The following MAP3K9 variants were observed in gnomAD, a reference collection of about 807,000 sequenced individuals.
MAP3K9 encodes mixed lineage kinase 1 (tyr and ser/thr specificity).
MAP3K9 carries 46 observed loss-of-function variants against 95.8 expected under a neutral mutation model. The ratio of observed to expected loss-of-function variants is 0.48; its 90% CI spans 0.38 to 0.61. MAP3K9 has a LOEUF of 0.61. Ranked by LOEUF, MAP3K9 falls within the 20% of genes least tolerant of loss-of-function variation. The probability of loss-of-function intolerance (pLI) is 0.00; values close to 1 mark genes in which losing one functional copy is unlikely to be tolerated. For missense variants in MAP3K9, 1,296 were observed against 1,474.3 expected (o/e 0.88, Z 1.98); for synonymous variants, 533 against 593.8 (o/e 0.90, Z 1.49).
Position 70,783,307 on chromosome 14 carries a change from C to T in MAP3K9, c.820+17360G>A, listed in dbSNP as rs375138557. On this transcript the variant is annotated intron_variant, in intron 2 of 11. Coordinates refer to ENST00000554752, the MANE Select transcript of MAP3K9 (RefSeq NM_001284230.2). ...CATCCTAAAGTAAATTCAAATTAGT[C>T]TGACTCTTATTTTTCTTGAGCATCC... 77 of 978,208 alleles carry T rather than the reference C, an allele frequency of 7.9e-5. 1 individual carries two copies. In the African/African-American group the frequency reaches 1.2e-3, roughly 15 times the overall value. 60.6% of individuals were successfully genotyped at this position (978,208 alleles called of 1,614,324 possible).
Position 70,766,868 on chromosome 14 carries a change from C to T in MAP3K9, c.821-5686G>A, listed in dbSNP as rs1053079406. 2.6e-5 allele frequency among the ~76,000 whole-genome samples: 4 copies of T among 152,308 alleles called. No individual in the cohort carries two copies. In the South Asian group the frequency reaches 6.2e-4, roughly 24 times the overall value. On this transcript the variant is annotated intron_variant, in intron 2 of 11. Transcript: ENST00000554752. Reference sequence around the variant, plus strand: ...AGCTGTAATTGATTAGTCTACCCTGCACTTCTTTTTCCTGAATTCTTCCTT... The same window carrying T: ...AGCTGTAATTGATTAGTCTACCCTGTACTTCTTTTTCCTGAATTCTTCCTT...
chr14:70,743,733 A>G (rs2054107705), intron 5 of MAP3K9, among the ~76,000 whole-genome samples: 1 of 152,236 alleles, frequency 6.6e-6, no homozygotes, highest in African/African-American at 2.4e-5. Context: ...GTGGAGAAAC[A>G]GGAATGCTTT....
chr14:70,774,983 C>CAA lies in MAP3K9; in HGVS notation c.821-13803_821-13802dup, dbSNP rs60144338. Among the ~76,000 whole-genome samples the CAA allele has an allele frequency of 3.9e-3, 213 of 55,126 alleles. 7 individuals carry two copies. Among genetic ancestry groups the CAA allele is most frequent in the South Asian group, 6.5e-3 (6 of 928 alleles). The allele number at this position is 55,126 out of a possible 152,430, so 36.2% of individuals were successfully genotyped here. Reference sequence around the variant, plus strand: ...TGGAGACAGAGTGAGACTCTGTCCCCAAAAAAAAAAAAAAAAAAAAAAAAA... The same window carrying CAA: ...TGGAGACAGAGTGAGACTCTGTCCCCAAAAAAAAAAAAAAAAAAAAAAAAAAA... On this transcript the variant is annotated intron_variant, in intron 2 of 11. Coordinates refer to ENST00000554752, the MANE Select transcript of MAP3K9 (RefSeq NM_001284230.2).
At chr14:70,752,060 A>T (rs1192059397) in intron 3 of MAP3K9, among the ~76,000 whole-genome samples, 1 of 152,206 alleles carries the variant, frequency 6.6e-6, no homozygotes, top group Non-Finnish European at 1.5e-5. Flanking sequence ...GCTTTACCCC[A>T]GTGAGGCCTT....
At chr14:70,734,612 C>T (rs1459149741) in intron 9 of MAP3K9, 114 bp from the exon 10 acceptor site, 7 of 664,042 alleles carry the variant, frequency 1.1e-5, no homozygotes, top group Non-Finnish European at 1.6e-5. Flanking sequence ...TACCAAAGAA[C>T]CTTGGAGTAC....
chr14:70,733,725 G>A, intron 10 of MAP3K9: 2 of 718,396 alleles, frequency 2.8e-6, no homozygotes, highest in Non-Finnish European at 5.2e-6. Context: ...AGACTAAGAT[G>A]GGAGTCAGGG....
In MAP3K9 at chr14:70,730,477, T is replaced by G; in HGVS notation, c.3218A>C (p.Glu1073Ala). 6.2e-7 allele frequency: 1 copy of G among 1,614,118 alleles called. No homozygotes were observed. The change falls in exon 12 of 12, where the codon GAG becomes GCG. Residue 1073 changes from glutamate to alanine, a missense_variant. Around this residue, in one of 5 missense-constraint regions of MAP3K9, gnomAD observed 433 missense variants for 441.4 expected, o/e 0.98. Coordinates refer to ENST00000554752, the MANE Select transcript of MAP3K9 (RefSeq NM_001284230.2). ...TERTLLDLDA[E>A]GQSQDSTVPL... The stretch of plus-strand genomic sequence containing the variant: ...CACGGTGCTGTCCTGACTCTGCCCC[T>G]CTGCATCCAGGTCCAGGAGCGTCCG...
chr14:70,738,214 G>C (rs1015949272), intron 8 of MAP3K9, 31 bp downstream of exon 8: 1 of 1,580,548 alleles, frequency 6.3e-7, no homozygotes, highest in African/African-American at 1.4e-5. Context: ...ATCTTCAAGA[G>C]AGAAAGAATT....
rs879744024 is a variant in MAP3K9 at position 70,809,261 on chromosome 14, A to ACC, written c.-92_-91dup. ...CATGCGCCTCCGCAGAGCTGGGAGG[A>ACC]CCCCCCCCCAACGACGGCGGCCGCA... On this transcript the variant is annotated 5_prime_UTR_variant, in exon 1 of 12. Transcript: ENST00000554752. 9.2e-7 allele frequency: 1 copy of ACC among 1,090,202 alleles called. No individual in the cohort carries two copies. The highest frequency in any genetic ancestry group is 1.1e-6 in the Non-Finnish European group (1 of 877,788). 67.5% of individuals were successfully genotyped at this position (1,090,202 alleles called of 1,614,324 possible).
intron 2 of MAP3K9, among the ~76,000 whole-genome samples, chr14:70,770,765 T>C (rs1202662615): frequency 6.6e-6 from 1 of 152,142 alleles, no homozygotes. Flanking sequence ...GCCCATCCTC[T>C]ACGTCTGGTA....
At chr14:70,738,152 A>C in intron 8 of MAP3K9, 93 bp downstream of exon 8, 1 of 1,326,710 alleles carries the variant, frequency 7.5e-7, no homozygotes, top group South Asian at 1.6e-5. Context: ...GCAATCAAAC[A>C]CACGACAGAG....
At chr14:70,745,832 T>A (rs894384963) in intron 5 of MAP3K9, among the ~76,000 whole-genome samples, 1 of 152,106 alleles carries the variant, frequency 6.6e-6, no homozygotes, top group Non-Finnish European at 1.5e-5. Context: ...AGTGGTTGAA[T>A]AACTATTGAG....
intron 2 of MAP3K9, among the ~76,000 whole-genome samples, chr14:70,788,056 C>T (rs2054767138): frequency 6.6e-6 from 1 of 152,170 alleles, no homozygotes; most frequent in Non-Finnish European, 1.5e-5. Context: ...ATCGCATTTG[C>T]CTCTAAGAAG....
intron 5 of MAP3K9, among the ~76,000 whole-genome samples, chr14:70,743,267 C>T (rs1187783543): frequency 2.0e-5 from 3 of 151,984 alleles, no homozygotes; most frequent in Non-Finnish European, 2.9e-5. Flanking sequence ...GGATAACAGG[C>T]GTGAGTCACT....
Position 70,729,455 on chromosome 14 carries a change from G to C in MAP3K9, c.*925C>G, listed in dbSNP as rs745635252. On this transcript the variant is annotated 3_prime_UTR_variant, in exon 12 of 12. Coordinates refer to ENST00000554752, the MANE Select transcript of MAP3K9 (RefSeq NM_001284230.2). ...ACACATAAAGTTCAGACAGCAAAAG[G>C]AACAGACAGTGGAATTTTGTCTCTG... The C allele has an allele frequency of 3.3e-5, 5 of 152,218 alleles. No homozygotes were observed. Among genetic ancestry groups the C allele is most frequent in the African/African-American group, 4.8e-5 (2 of 41,454 alleles). 9.4% of individuals were successfully genotyped at this position (152,218 alleles called of 1,614,324 possible). A position where few individuals can be genotyped will look rare whatever the true frequency, so the allele number is the denominator to read the frequency against.
In MAP3K9 at chr14:70,742,431, G is replaced by A. The variant is rs2054084063; in HGVS notation, c.1487C>T (p.Pro496Leu). The A allele has an allele frequency of 6.2e-7, 1 of 1,614,062 alleles. No homozygotes were observed. The stretch of plus-strand genomic sequence containing the variant: ...CTTGCCCTTGCGTTTCTTCACCCGG[G>A]GCTTCTCCTGGCACAGCTGGTGGAT... ...IIIHQLCQEKPRVKKRKGKFR... is the reference protein window; with the variant it reads ...IIIHQLCQEKLRVKKRKGKFR... Residue 496 changes from proline (P) to leucine (L), a missense_variant, in exon 6 of 12, where the codon CCC becomes CTC. Pro to Leu is a moderately conservative substitution (Grantham distance 98). Transcript: ENST00000554752.
Position 70,798,592 on chromosome 14 carries a change from C to A in MAP3K9, c.820+2075G>T, listed in dbSNP as rs1237462270. Among the ~76,000 whole-genome samples, 3 of 146,676 alleles carry A rather than the reference C, an allele frequency of 2.0e-5. No homozygotes were observed. In the East Asian group the frequency reaches 5.9e-4, roughly 29 times the overall value. On this transcript the variant is annotated intron_variant, in intron 2 of 11. Coordinates refer to ENST00000554752, the MANE Select transcript of MAP3K9 (RefSeq NM_001284230.2). ...CTCCCGGGTTCACGCCATTCTCCTG[C>A]CTCAGCCTCCCAAGTAGCTGGGACT...
intron 2 of MAP3K9, among the ~76,000 whole-genome samples, chr14:70,793,173 A>T (rs1356921392): frequency 1.3e-5 from 2 of 152,244 alleles, no homozygotes; most frequent in African/African-American, 4.8e-5. Context: ...CGGCTCCAGC[A>T]GCTCCTAGCA....
rs1197148288 is a variant in MAP3K9 at position 70,729,553 on chromosome 14, C to A, written c.*827G>T. ...GGATGAGCAGATGATTGTATCCGAA[C>A]CTGGTCTGACGAGGTCCTGACCCCA... On this transcript the variant is annotated 3_prime_UTR_variant, in exon 12 of 12. Transcript: ENST00000554752. 6.6e-6 allele frequency: 1 copy of A among 152,234 alleles called. No homozygotes were observed. The highest frequency in any genetic ancestry group is 1.5e-5 in the Non-Finnish European group (1 of 68,054). The allele number at this position is 152,234 out of a possible 1,614,324, so 9.4% of individuals were successfully genotyped here.
Sources: allele counts gnomAD v4.1 joint callset (sites outside exome capture counted in the v4.1 genomes callset), GRCh38; gene constraint gnomAD v4.1.1; regional missense constraint gnomAD v4.1.1; transcripts MANE v1.5; gene names NCBI Gene and HGNC (gene_info 2026-07-23, HGNC 2026-07-21).